Variants in SMG6 observed in about 807,000 individuals in gnomAD.
The protein encoded by SMG6 is telomerase-binding protein EST1A.
In SMG6, 66 loss-of-function variants were observed where a neutral mutation model predicts 142.2. That is an observed-to-expected ratio of 0.46 (90% CI 0.38 to 0.57). The LOEUF (loss-of-function observed/expected upper bound fraction) is 0.57. Among genes scored for constraint, SMG6 ranks in the 20% least tolerant of loss-of-function variants. The probability of loss-of-function intolerance (pLI) is 0.00; values close to 1 mark genes in which losing one functional copy is unlikely to be tolerated. For missense variants in SMG6, 1,793 were observed against 1,832.0 expected (o/e 0.98, Z 0.39); for synonymous variants, 779 against 702.4 (o/e 1.11, Z -1.72).
At chr17:2,145,383 C>T (rs1208906764) in intron 13 of SMG6, among the ~76,000 whole-genome samples, 6 of 151,758 alleles carry the variant, frequency 4.0e-5, no homozygotes, top group African/African-American at 1.5e-4. Context: ...TCCCAAAGTG[C>T]TGGGATTACA....
Position 2,300,615 on chromosome 17 carries a change from A to T in SMG6, c.138T>A (p.Arg46=). The T allele has an allele frequency of 6.2e-7, 1 of 1,611,346 alleles. No individual in the cohort carries two copies. Among genetic ancestry groups the T allele is most frequent in the Non-Finnish European group, 8.5e-7 (1 of 1,179,114 alleles). Residue 46 remains arginine, a synonymous_variant, in exon 2 of 19, where the codon CGT becomes CGA. Coordinates refer to ENST00000263073, the MANE Select transcript of SMG6 (RefSeq NM_017575.5). The stretch of plus-strand genomic sequence containing the variant: ...CAGGCTTATAGATTTCCAGATCTGG[A>T]CGCCTGTTATCTTTGCGCGGCCTGG... ...KEARPRKDNR[R]PDLEIYKPGL...
chr17:2,170,004 A>C (rs1200679701), intron 13 of SMG6, among the ~76,000 whole-genome samples: 1 of 152,198 alleles, frequency 6.6e-6, no homozygotes. Context: ...GTGACAAAGA[A>C]GTGCCAAGAA....
chr17:2,097,071 T>G (rs1216497268), intron 13 of SMG6, among the ~76,000 whole-genome samples: 1 of 152,204 alleles, frequency 6.6e-6, no homozygotes, highest in African/African-American at 2.4e-5. Flanking sequence ...CTTGACTACT[T>G]CTGGTGGAGA....
rs190570433 is a variant in SMG6 at position 2,079,091 on chromosome 17, G to A, written c.3681+2719C>T. Among the ~76,000 whole-genome samples the A allele has an allele frequency of 7.2e-3, 1,101 of 152,202 alleles. 11 individuals are homozygous for A. The highest frequency in any genetic ancestry group is 0.027 in the Middle Eastern group (8 of 294). ...AGATTCTCCTGCCTCAGCCTCCCGA[G>A]TAGCTGGGACTACAGGCACCCGCCA... On this transcript the variant is annotated intron_variant, in intron 15 of 18. Transcript: ENST00000263073.
intron 8 of SMG6, among the ~76,000 whole-genome samples, chr17:2,256,601 A>G (rs1046319640): frequency 5.3e-5 from 8 of 152,132 alleles, no homozygotes; most frequent in African/African-American, 1.9e-4. Flanking sequence ...CATCTTTACA[A>G]AAAATAAAAA....
chr17:2,200,569 T>C (rs909936597), intron 10 of SMG6, among the ~76,000 whole-genome samples: 1 of 152,080 alleles, frequency 6.6e-6, no homozygotes, highest in African/African-American at 2.4e-5. Context: ...TCTTGTTTTG[T>C]TGACCAAGCT....
intron 12 of SMG6, among the ~76,000 whole-genome samples, chr17:2,185,494 AT>A (rs1209136368): frequency 6.6e-6 from 1 of 152,176 alleles, no homozygotes; most frequent in East Asian, 1.9e-4. Flanking sequence ...TATCTCCACA[AT>A]TAAAAAAAAG....
chr17:2,242,689 T>TAAAAAAAAAAA (rs57079220), intron 9 of SMG6, among the ~76,000 whole-genome samples: 11 of 55,836 alleles, frequency 2.0e-4, no homozygotes, highest in Non-Finnish European at 3.1e-4. Flanking sequence ...TCCATCTCTT[T>TAAAAAAAAAAA]AAAAAAAAAA....
intron 13 of SMG6, among the ~76,000 whole-genome samples, chr17:2,132,073 C>CA (rs1053628177): frequency 3.4e-4 from 51 of 149,266 alleles, no homozygotes; most frequent in African/African-American, 1.2e-3. Context: ...ACTCTGTCTC[C>CA]AAAAAAAGAA....
At chr17:2,237,437 T>G (rs775961497) in intron 9 of SMG6, 75 of 824,520 alleles carry the variant, frequency 9.1e-5, no homozygotes, top group Non-Finnish European at 1.0e-4. Flanking sequence ...TCTGAGGTAC[T>G]ATCACACTGA....
rs142112792 is a variant in SMG6, at chr17:2,283,721, G to T, written c.2352C>A (p.Asp784Glu). 5.0e-6 allele frequency: 8 copies of T among 1,613,750 alleles called. No homozygotes were observed. The highest frequency in any genetic ancestry group is 6.8e-6 in the Non-Finnish European group (8 of 1,179,770). Residue 784 changes from aspartate (D) to glutamate (E), a missense_variant, in exon 7 of 19, where the codon GAC (aspartate) becomes GAA (glutamate). Asp to Glu is a conservative substitution (Grantham distance 45). Transcript: ENST00000263073. ...LLAVYTRRKL[D>E]AVYYYMRSLA... The stretch of plus-strand genomic sequence containing the variant: ...AACTGCGCATATAGTAATAGACAGC[G>T]TCAAGCTTCCTCCTCTGTGGAAAGA...
At chr17:2,117,223 T>C (rs1293949874) in intron 13 of SMG6, among the ~76,000 whole-genome samples, 1 of 151,920 alleles carries the variant, frequency 6.6e-6, no homozygotes, top group Non-Finnish European at 1.5e-5. Flanking sequence ...GCCTCCCAAG[T>C]AGCTGGGACC....
chr17:2,238,925 G>C (rs559596751), intron 9 of SMG6, among the ~76,000 whole-genome samples: 1 of 149,744 alleles, frequency 6.7e-6, no homozygotes, highest in South Asian at 2.1e-4. Context: ...CTTCAAATGT[G>C]AGATGTGAGA....
chr17:2,242,695 A>T (rs1202423765), intron 9 of SMG6, among the ~76,000 whole-genome samples: 1 of 146,536 alleles, frequency 6.8e-6, no homozygotes, highest in Non-Finnish European at 1.5e-5. Context: ...TCTTTAAAAA[A>T]AAAAAAAAAA....
At chr17:2,133,427 G>A (rs762841670) in intron 13 of SMG6, among the ~76,000 whole-genome samples, 22 of 152,238 alleles carry the variant, frequency 1.4e-4, no homozygotes, top group Middle Eastern at 3.4e-3. Context: ...CAGTGGGAAA[G>A]CGCTAGACTA....
At position 2,188,392 on chromosome 17, in the gene SMG6, T is replaced by G; in HGVS notation, c.2986+7A>C. 2 of 1,613,560 alleles carry G rather than the reference T, an allele frequency of 1.2e-6. No homozygotes were observed. Among genetic ancestry groups the G allele is most frequent in the Non-Finnish European group, 1.7e-6 (2 of 1,179,632 alleles). On this transcript the variant is annotated splice_region_variant and intron_variant, in intron 11 of 18. Coordinates refer to ENST00000263073, the MANE Select transcript of SMG6 (RefSeq NM_017575.5). ...AGCCCACCAGGCTGGGGACTCCTCC[T>G]GCTTACCTTTGGCGGACTCCTTAAG...
intron 13 of SMG6, among the ~76,000 whole-genome samples, chr17:2,143,173 C>T (rs1225562860): frequency 6.6e-6 from 1 of 152,092 alleles, no homozygotes; most frequent in Non-Finnish European, 1.5e-5. Flanking sequence ...TGTGGAAGTT[C>T]CTCCAAGAGT....
At chr17:2,255,566 G>A (rs1029997362) in intron 8 of SMG6, among the ~76,000 whole-genome samples, 6 of 152,126 alleles carry the variant, frequency 3.9e-5, no homozygotes, top group African/African-American at 1.4e-4. Context: ...GAGGGAGGTG[G>A]CGGGCGCCTC....
intron 13 of SMG6, among the ~76,000 whole-genome samples, chr17:2,160,560 T>C (rs1236181935): frequency 6.6e-6 from 1 of 152,162 alleles, no homozygotes; most frequent in Non-Finnish European, 1.5e-5. Flanking sequence ...CTGGGTACAG[T>C]GGCTCATGCC....
Sources: gnomAD v4.1 joint callset for allele counts (sites outside exome capture counted in the v4.1 genomes callset) on GRCh38, gnomAD v4.1.1 for gene constraint, MANE v1.5 for transcripts, NCBI Gene and HGNC (gene_info 2026-07-23, HGNC 2026-07-21) for gene names.